Variants in NEK6 observed in about 807,000 individuals in gnomAD.
NEK6 encodes serine/threonine-protein kinase Nek6.
A neutral mutation model predicts 43.5 loss-of-function variants in NEK6; 27 were observed. That is an observed-to-expected ratio of 0.62 (90% CI 0.46 to 0.86). The LOEUF (loss-of-function observed/expected upper bound fraction) is 0.86. Among genes scored for constraint, NEK6 ranks in the 40% least tolerant of loss-of-function variants. The pLI, the probability that NEK6 is intolerant of heterozygous loss-of-function variation, is 0.00. For synonymous variants in NEK6, 167 were observed against 164.1 expected, an observed-to-expected ratio of 1.02 and a Z score of -0.14; for missense variants, 318 against 414.4, an observed-to-expected ratio of 0.77 and a Z score of 2.02.
chr9:124,317,091 T>C (rs891748619), intron 4 of NEK6, among the ~76,000 whole-genome samples: 1 of 152,220 alleles, frequency 6.6e-6, no homozygotes, highest in Non-Finnish European at 1.5e-5. Flanking sequence ...CTCAGAGATT[T>C]GAAGGCACTT....
chr9:124,307,667 A>G (rs1833324715), intron 2 of NEK6, among the ~76,000 whole-genome samples: 1 of 152,216 alleles, frequency 6.6e-6, no homozygotes, highest in Non-Finnish European at 1.5e-5. Context: ...GAGCCTGAGG[A>G]GTCAGAGGTG....
intron 1 of NEK6, among the ~76,000 whole-genome samples, chr9:124,268,108 G>A (rs1831295248): frequency 6.6e-6 from 1 of 152,158 alleles, no homozygotes; most frequent in African/African-American, 2.4e-5. Flanking sequence ...AGGACATATG[G>A]TCACTGTGAT....
rs897476896 is a variant in NEK6 at position 124,345,494 on chromosome 9, G to T, written c.718-2215G>T. ...CGATGTGGAGAAAGTGCTGGAAAGA[G>T]CAGAGACATGATGGGAAGTGGATGC... On this transcript the variant is annotated intron_variant, in intron 8 of 9. Coordinates refer to ENST00000320246, the MANE Select transcript of NEK6 (RefSeq NM_014397.6). 4.6e-5 allele frequency among the ~76,000 whole-genome samples: 7 copies of T among 152,360 alleles called. No homozygotes were observed. The East Asian group carries it at 1.4e-3, about 29-fold the overall frequency.
chr9:124,317,167 A>G (rs1284386602), intron 4 of NEK6, among the ~76,000 whole-genome samples: 1 of 152,190 alleles, frequency 6.6e-6, no homozygotes, highest in Non-Finnish European at 1.5e-5. Context: ...ATGGAGCATG[A>G]TGTGTGCTGA....
intron 8 of NEK6, among the ~76,000 whole-genome samples, chr9:124,347,245 G>A (rs939408458): frequency 3.3e-5 from 5 of 152,164 alleles, no homozygotes; most frequent in South Asian, 2.1e-4. Flanking sequence ...ACCCTTCTCC[G>A]GCCCACCCCA....
At chr9:124,292,350 A>G in intron 1 of NEK6, 3 of 1,482,250 alleles carry the variant, frequency 2.0e-6, no homozygotes, top group Non-Finnish European at 2.7e-6. Flanking sequence ...ACATTGAGTA[A>G]TCCCTGGGCT....
intron 1 of NEK6, among the ~76,000 whole-genome samples, chr9:124,260,203 T>C (rs1830978937): frequency 2.0e-5 from 3 of 152,168 alleles, no homozygotes; most frequent in South Asian, 4.2e-4. Context: ...ACTTGGGATA[T>C]GGTATTTGAC....
chr9:124,308,423 A>T (rs1833364990), intron 2 of NEK6, among the ~76,000 whole-genome samples: 1 of 152,134 alleles, frequency 6.6e-6, no homozygotes, highest in South Asian at 2.1e-4. Flanking sequence ...AGGCCGAGGC[A>T]GGTGGATCAC....
rs570886106 is a variant in NEK6, at chr9:124,313,193, G to T, written c.231+544G>T. On this transcript the variant is annotated intron_variant, in intron 3 of 9. Coordinates refer to ENST00000320246, the MANE Select transcript of NEK6 (RefSeq NM_014397.6). ...AAATGGCTTTAAATCCTCCAGCAAA[G>T]CTTCCCAAGCCCCTTGATTTGCTTA... 2.6e-5 allele frequency among the ~76,000 whole-genome samples: 4 copies of T among 152,314 alleles called. No homozygotes were observed. In the South Asian group the frequency reaches 6.2e-4, roughly 24 times the overall value.
intron 5 of NEK6, among the ~76,000 whole-genome samples, chr9:124,325,111 GT>G (rs754534774): frequency 6.6e-6 from 1 of 152,066 alleles, no homozygotes; most frequent in Non-Finnish European, 1.5e-5. Flanking sequence ...GGAGGTGGAG[GT>G]TGCAGTGAGC....
intron 9 of NEK6, among the ~76,000 whole-genome samples, chr9:124,350,573 T>C (rs908990848): frequency 6.6e-6 from 1 of 152,060 alleles, no homozygotes; most frequent in African/African-American, 2.4e-5. Context: ...TCAAAATAAT[T>C]TGGAGGTTAA....
chr9:124,275,517 A>G lies in NEK6; in HGVS notation c.-30+17432A>G, dbSNP rs10760345. ...GGAGCTCCTGGTTCTCTGGGTCTGT[A>G]ATGCTTTCCTTCTCACTTCTCAGAC... On this transcript the variant is annotated intron_variant, in intron 1 of 9. Coordinates refer to ENST00000320246, the MANE Select transcript of NEK6 (RefSeq NM_014397.6). The surrounding 1 kb of genome is among the most constrained non-coding windows in gnomAD (Gnocchi z 4.4). Among the ~76,000 whole-genome samples the G allele has an allele frequency of 0.27, 41,122 of 152,134 alleles. 6,643 individuals are homozygous for G. Among genetic ancestry groups the G allele is most frequent in the South Asian group, 0.37 (1,787 of 4,820 alleles).
chr9:124,338,408 G>C (rs996869996), intron 7 of NEK6, among the ~76,000 whole-genome samples: 1 of 152,196 alleles, frequency 6.6e-6, no homozygotes, highest in Non-Finnish European at 1.5e-5. Flanking sequence ...TTGAATAAGG[G>C]GGTAGTTTGT....
intron 8 of NEK6, among the ~76,000 whole-genome samples, chr9:124,341,378 G>A (rs918465382): frequency 4.9e-5 from 5 of 101,376 alleles, no homozygotes; most frequent in African/African-American, 1.7e-4. Context: ...AGCAGATGCG[G>A]GTGACAAGAG....
chr9:124,257,654 T>G, upstream of NEK6: 1 of 1,521,862 alleles, frequency 6.6e-7, no homozygotes, highest in Non-Finnish European at 8.8e-7. Context: ...GTCCAAGGGT[T>G]GGCTGACTGC....
chr9:124,273,352 G>C (rs12685858), intron 1 of NEK6, among the ~76,000 whole-genome samples: 1 of 152,180 alleles, frequency 6.6e-6, no homozygotes, highest in African/African-American at 2.4e-5. Context: ...GCTTGATCCC[G>C]AATGGGGGAG....
In NEK6 at chr9:124,275,677, T is replaced by A. The variant is rs1564616995; in HGVS notation, c.-30+17592T>A. ...TGAGGCCCACTAATGGCCAGTCCCC[T>A]GCCCCAGGATCCCCTCCAGGGCTAG... On this transcript the variant is annotated intron_variant, in intron 1 of 9. Transcript: ENST00000320246. This position sits in a 1 kb window ranked among gnomAD's most constrained non-coding sequence, Gnocchi z 4.4. Among the ~76,000 whole-genome samples the A allele has an allele frequency of 6.6e-6, 1 of 152,208 alleles. No homozygotes were observed. Among genetic ancestry groups the A allele is most frequent in the African/African-American group, 2.4e-5 (1 of 41,456 alleles).
chr9:124,292,647 C>T, intron 1 of NEK6: 2 of 1,405,468 alleles, frequency 1.4e-6, no homozygotes, highest in Admixed American at 2.1e-5. Context: ...GCTCTGAAAT[C>T]CATCCCTTCC....
intron 1 of NEK6, among the ~76,000 whole-genome samples, chr9:124,260,170 A>G (rs1408533973): frequency 2.0e-5 from 3 of 152,190 alleles, no homozygotes; most frequent in Non-Finnish European, 4.4e-5. Flanking sequence ...GCCCAGCCTC[A>G]CAGCCTTTCC....
Sources: gnomAD v4.1 joint callset for allele counts (sites outside exome capture counted in the v4.1 genomes callset) on GRCh38, gnomAD v4.1.1 for gene constraint, Gnocchi (gnomAD v3.1) non-coding constraint, MANE v1.5 for transcripts, NCBI Gene and HGNC (gene_info 2026-07-23, HGNC 2026-07-21) for gene names.